Variants in LRRTM3 observed in about 807,000 individuals in gnomAD.
LRRTM3 encodes the protein leucine-rich repeat transmembrane neuronal protein 3.
LRRTM3 carries 24 observed loss-of-function variants against 44.7 expected under a neutral mutation model. The ratio of observed to expected loss-of-function variants is 0.54; its 90% CI spans 0.39 to 0.76. LRRTM3 has a LOEUF of 0.76. LRRTM3 is among the 30% of genes least tolerant of loss of function. The pLI is 0.00. For missense variants in LRRTM3, 587 were observed against 702.2 expected, an observed-to-expected ratio of 0.84 and a Z score of 1.85; for synonymous variants, 277 against 278.7, an observed-to-expected ratio of 0.99 and a Z score of 0.06.
chr10:66,933,587 G>T (rs889736290), intron 2 of LRRTM3, among the ~76,000 whole-genome samples: 1 of 152,076 alleles, frequency 6.6e-6, no homozygotes, highest in Non-Finnish European at 1.5e-5. Context: ...CGCATTCCAG[G>T]TATCAGTCAC....
chr10:66,966,083 T>C (rs1849395012), intron 2 of LRRTM3, among the ~76,000 whole-genome samples: 1 of 152,206 alleles, frequency 6.6e-6, no homozygotes. Context: ...TGTACCTCAG[T>C]TTCCTAATTT....
Position 67,100,699 on chromosome 10 carries a change from C to T in LRRTM3, c.*2903C>T, listed in dbSNP as rs1051615301. Among the ~76,000 whole-genome samples the T allele has an allele frequency of 2.0e-5, 3 of 151,648 alleles. No homozygotes were observed. Among genetic ancestry groups the T allele is most frequent in the Non-Finnish European group, 4.4e-5 (3 of 67,774 alleles). ...TTACAATAACAGCCAGCAGCTGCAG[C>T]AAACCATAAAGTTATGCAGTGTTTT... On this transcript the variant is annotated 3_prime_UTR_variant, in exon 3 of 3. Coordinates refer to ENST00000361320, the MANE Select transcript of LRRTM3 (RefSeq NM_178011.5).
Position 66,976,641 on chromosome 10 carries a change from C to T in LRRTM3, c.1536+48189C>T, listed in dbSNP as rs557849331. ...ATTTTTGGCCCTTTTCAATACTAAT[C>T]AAACTTACTTTTCCAATCTTATTTT... On this transcript the variant is annotated intron_variant, in intron 2 of 2. Coordinates refer to ENST00000361320, the MANE Select transcript of LRRTM3 (RefSeq NM_178011.5). 3.3e-5 allele frequency among the ~76,000 whole-genome samples: 5 copies of T among 152,288 alleles called. No homozygotes were observed. The South Asian group carries it at 1.0e-3, about 32-fold the overall frequency.
At chr10:66,983,008 A>G (rs911175957) in intron 2 of LRRTM3, among the ~76,000 whole-genome samples, 1 of 152,188 alleles carries the variant, frequency 6.6e-6, no homozygotes, top group African/African-American at 2.4e-5. Context: ...GAAATGCACT[A>G]ATGAGCAGAA....
chr10:67,044,050 G>A (rs1238103168), intron 2 of LRRTM3, among the ~76,000 whole-genome samples: 1 of 151,914 alleles, frequency 6.6e-6, no homozygotes, highest in East Asian at 1.9e-4. Context: ...CACCCAGGTA[G>A]TAAACATAGT....
At chr10:66,941,647 T>C (rs1848002545) in intron 2 of LRRTM3, among the ~76,000 whole-genome samples, 1 of 152,142 alleles carries the variant, frequency 6.6e-6, no homozygotes, top group African/African-American at 2.4e-5. Flanking sequence ...GCAGGGCTCA[T>C]TTGCAGAACT....
At chr10:67,071,091 TC>T (rs1470305108) in intron 2 of LRRTM3, among the ~76,000 whole-genome samples, 2 of 152,200 alleles carry the variant, frequency 1.3e-5, no homozygotes, top group Admixed American at 6.5e-5. Context: ...GGTATTGATG[TC>T]ACATATTATT....
intron 2 of LRRTM3, among the ~76,000 whole-genome samples, chr10:67,046,021 A>G (rs1221959684): frequency 1.3e-5 from 2 of 152,200 alleles, no homozygotes; most frequent in Non-Finnish European, 2.9e-5. Context: ...GTATCATTAC[A>G]TAAAATAAAA....
At chr10:67,087,410 C>T (rs963954959) in intron 2 of LRRTM3, among the ~76,000 whole-genome samples, 8 of 151,728 alleles carry the variant, frequency 5.3e-5, no homozygotes, top group Non-Finnish European at 8.8e-5. Context: ...TAACATTTTG[C>T]AATTTATAGG....
chr10:66,977,898 T>C (rs976522569), intron 2 of LRRTM3, among the ~76,000 whole-genome samples: 1 of 152,180 alleles, frequency 6.6e-6, no homozygotes, highest in Non-Finnish European at 1.5e-5. Context: ...AGTTTATAAA[T>C]GTAAGTATCC....
chr10:66,940,502 A>G (rs952890920), intron 2 of LRRTM3, among the ~76,000 whole-genome samples: 6 of 152,148 alleles, frequency 3.9e-5, no homozygotes, highest in African/African-American at 7.2e-5. Context: ...TTTTGCATAG[A>G]GTGTCTCATG....
At chr10:67,036,756 A>T (rs1172380879) in intron 2 of LRRTM3, among the ~76,000 whole-genome samples, 1 of 152,114 alleles carries the variant, frequency 6.6e-6, no homozygotes. Context: ...TCTTTTTTCA[A>T]TTCTAGAGAT....
At position 67,010,815 on chromosome 10, in the gene LRRTM3, G is replaced by A. The variant is rs536085590; in HGVS notation, c.1536+82363G>A. On this transcript the variant is annotated intron_variant, in intron 2 of 2. Transcript: ENST00000361320. Reference sequence around the variant, plus strand: ...GAGCATATCCATATTTGTATGCCCAGTTCTCAGCAGAGTTTGACATATTTG... The same window carrying A: ...GAGCATATCCATATTTGTATGCCCAATTCTCAGCAGAGTTTGACATATTTG... Among the ~76,000 whole-genome samples, 3 of 152,258 alleles carry A rather than the reference G, an allele frequency of 2.0e-5. No homozygotes were observed. In the South Asian group the frequency reaches 6.2e-4, roughly 32 times the overall value.
intron 2 of LRRTM3, among the ~76,000 whole-genome samples, chr10:67,089,852 A>AT (rs1364603954): frequency 6.6e-6 from 1 of 151,346 alleles, no homozygotes; most frequent in Non-Finnish European, 1.5e-5. Flanking sequence ...CAAGCCTATA[A>AT]TTTTGCCAGA....
chr10:66,929,955 T>G (rs1054177664), intron 2 of LRRTM3, among the ~76,000 whole-genome samples: 1 of 152,182 alleles, frequency 6.6e-6, no homozygotes, highest in African/African-American at 2.4e-5. Flanking sequence ...GCTGTTTCAT[T>G]TAATTTGGCT....
chr10:66,961,453 T>C (rs1285897395), intron 2 of LRRTM3, among the ~76,000 whole-genome samples: 5 of 152,228 alleles, frequency 3.3e-5, no homozygotes, highest in Non-Finnish European at 5.9e-5. Flanking sequence ...CATTCAAGCA[T>C]GCCACTCACT....
chr10:67,086,533 A>G (rs1256610721), intron 2 of LRRTM3, among the ~76,000 whole-genome samples: 2 of 152,014 alleles, frequency 1.3e-5, no homozygotes, highest in Non-Finnish European at 1.5e-5. Context: ...GTCCTGCCAA[A>G]GCAGGACAAA....
Position 66,927,294 on chromosome 10 carries a change from C to T in LRRTM3, c.378C>T (p.Asn126=), listed in dbSNP as rs1209024831. 6.2e-7 allele frequency: 1 copy of T among 1,614,000 alleles called. No homozygotes were observed. The change falls in exon 2 of 3, where the codon AAC becomes AAT. Residue 126 remains asparagine, a synonymous_variant. Coordinates refer to ENST00000361320, the MANE Select transcript of LRRTM3 (RefSeq NM_178011.5). This position sits in a 1 kb window ranked among gnomAD's most constrained non-coding sequence, Gnocchi z 4.7. ...CCAATAGAATCTCCTATTTTCTTAA[C>T]AATACCTTCAGACCTGTGACAAATT... ...LSSNRISYFL[N]NTFRPVTNLR... is the part of the protein sequence containing the mutation.
chr10:67,083,800 T>C (rs1857169532), intron 2 of LRRTM3, among the ~76,000 whole-genome samples: 1 of 152,158 alleles, frequency 6.6e-6, no homozygotes, highest in Non-Finnish European at 1.5e-5. Flanking sequence ...ATTGGGATGG[T>C]TCCCATTACA....
Sources: gnomAD v4.1 joint callset for allele counts (sites outside exome capture counted in the v4.1 genomes callset) on GRCh38, gnomAD v4.1.1 for gene constraint, Gnocchi (gnomAD v3.1) non-coding constraint, MANE v1.5 for transcripts, NCBI Gene and HGNC (gene_info 2026-07-23, HGNC 2026-07-21) for gene names.